Variants in PKNOX2 observed in about 807,000 individuals in gnomAD.
PKNOX2 encodes homeobox protein PKNOX2.
Under a neutral mutation model 53.1 loss-of-function variants are expected in PKNOX2, and 14 were observed. The ratio of observed to expected loss-of-function variants is 0.26; its 90% CI spans 0.17 to 0.41. PKNOX2 has a LOEUF of 0.41. PKNOX2 is among the 10% of genes least tolerant of loss of function. The probability of loss-of-function intolerance (pLI) is 1.00; values close to 1 mark genes in which losing one functional copy is unlikely to be tolerated. For synonymous variants in PKNOX2, 257 were observed against 242.8 expected (o/e 1.06, Z -0.54); for missense variants, 496 against 602.8 (o/e 0.82, Z 1.85).
rs1313614672 is a variant in PKNOX2 at position 125,370,691 on chromosome 11, C to T, written c.227+2706C>T. 6.6e-6 allele frequency among the ~76,000 whole-genome samples: 1 copy of T among 152,252 alleles called. No individual in the cohort carries two copies. Among genetic ancestry groups the T allele is most frequent in the African/African-American group, 2.4e-5 (1 of 41,462 alleles). The stretch of plus-strand genomic sequence containing the variant: ...AGGGTTGTCTCCTACAACCACATCT[C>T]ACCCATTAGTACCAGCCGCCCTCTC... On this transcript the variant is annotated intron_variant, in intron 5 of 12. Transcript: ENST00000298282. The surrounding 1 kb of genome is among the most constrained non-coding windows in gnomAD (Gnocchi z 4.1).
chr11:125,335,544 T>C (rs2136128864), intron 3 of PKNOX2, among the ~76,000 whole-genome samples: 1 of 152,368 alleles, frequency 6.6e-6, no homozygotes, highest in Admixed American at 6.5e-5. Context: ...TGTTCATCTC[T>C]TGTGCAGTTT....
At chr11:125,292,054 T>G (rs1947340488) in intron 2 of PKNOX2, among the ~76,000 whole-genome samples, 1 of 152,214 alleles carries the variant, frequency 6.6e-6, no homozygotes, top group Admixed American at 6.5e-5. Context: ...ATGGTTAAAA[T>G]GGCATATTTT....
In PKNOX2 at chr11:125,186,052, T is replaced by TC. The variant is rs917784749; in HGVS notation, c.-201+21276_-201+21277insC. 5.3e-5 allele frequency among the ~76,000 whole-genome samples: 8 copies of TC among 151,984 alleles called. No homozygotes were observed. In the South Asian group the frequency reaches 6.2e-4, roughly 12 times the overall value. On this transcript the variant is annotated intron_variant, in intron 1 of 12. Coordinates refer to ENST00000298282, the MANE Select transcript of PKNOX2 (RefSeq NM_001382323.2). ...TGACCAACATTTGTTATTCTCTGTT[T>TC]TTTTTTTAATTGTAGCCATTATAGT...
At chr11:125,429,638 G>A (rs976286845) in intron 11 of PKNOX2, among the ~76,000 whole-genome samples, 21 of 152,310 alleles carry the variant, frequency 1.4e-4, no homozygotes, top group African/African-American at 3.8e-4. Context: ...GCCCTGATCC[G>A]AGCCCTTGGC....
intron 10 of PKNOX2, among the ~76,000 whole-genome samples, chr11:125,424,502 A>G (rs534710424): frequency 6.6e-5 from 10 of 152,200 alleles, no homozygotes; most frequent in African/African-American, 2.2e-4. Flanking sequence ...GAACCACCCC[A>G]GAGTGGTGGC....
At chr11:125,262,319 GA>G (rs1944921724) in intron 2 of PKNOX2, among the ~76,000 whole-genome samples, 1 of 152,172 alleles carries the variant, frequency 6.6e-6, no homozygotes, top group Non-Finnish European at 1.5e-5. Context: ...CATGAGGAAT[GA>G]AAGGACGCTT....
chr11:125,178,250 G>A (rs111385586), intron 1 of PKNOX2, among the ~76,000 whole-genome samples: 18 of 151,568 alleles, frequency 1.2e-4, no homozygotes, highest in African/African-American at 4.4e-4. Context: ...GGTGGCTTAT[G>A]CCTCTAATCC....
chr11:125,208,923 C>T (rs1939485438), intron 1 of PKNOX2, among the ~76,000 whole-genome samples: 1 of 151,880 alleles, frequency 6.6e-6, no homozygotes, highest in Non-Finnish European at 1.5e-5. Context: ...ACTTGGCCAC[C>T]TCAATGGCAG....
rs148111901 is a variant in PKNOX2, at chr11:125,293,726, C to T, written c.-129-38093C>T. ...AGTTCCTTTTATTTGGAGTAGTTGA[C>T]ACTAACACACACACTCACACACACT... On this transcript the variant is annotated intron_variant, in intron 2 of 12. Coordinates refer to ENST00000298282, the MANE Select transcript of PKNOX2 (RefSeq NM_001382323.2). Among the ~76,000 whole-genome samples the T allele has an allele frequency of 2.4e-4, 37 of 151,924 alleles. No homozygotes were observed. The East Asian group carries it at 3.1e-3, about 13-fold the overall frequency.
intron 2 of PKNOX2, among the ~76,000 whole-genome samples, chr11:125,288,641 G>C (rs1947078563): frequency 6.6e-6 from 1 of 152,146 alleles, no homozygotes; most frequent in Admixed American, 6.6e-5. Flanking sequence ...CCCCTCCTTG[G>C]AACTGGCAGA....
chr11:125,367,153 GA>G (rs1952231938), intron 4 of PKNOX2, among the ~76,000 whole-genome samples: 1 of 152,222 alleles, frequency 6.6e-6, no homozygotes, highest in Non-Finnish European at 1.5e-5. Context: ...CAAAACCTTA[GA>G]TAGAAAATCT....
At chr11:125,324,430 T>C (rs1949715056) in intron 2 of PKNOX2, among the ~76,000 whole-genome samples, 1 of 152,220 alleles carries the variant, frequency 6.6e-6, no homozygotes, top group Non-Finnish European at 1.5e-5. Flanking sequence ...TTTACTCCTT[T>C]ATCCAGCAAA....
chr11:125,298,925 G>T (rs1351306242), intron 2 of PKNOX2, among the ~76,000 whole-genome samples: 1 of 152,200 alleles, frequency 6.6e-6, no homozygotes, highest in Non-Finnish European at 1.5e-5. Context: ...ATCAAGCCCT[G>T]TGTTAGGCTA....
chr11:125,431,488 C>A lies in PKNOX2; in HGVS notation c.*96C>A, dbSNP rs550804844. On this transcript the variant is annotated 3_prime_UTR_variant, in exon 13 of 13. Coordinates refer to ENST00000298282, the MANE Select transcript of PKNOX2 (RefSeq NM_001382323.2). ...GGAAGGGGACATGGGCAGGAAGCAC[C>A]GAGGGAGTTGGGCCCTAGCTTCCCC... 8.7e-7 allele frequency: 1 copy of A among 1,145,478 alleles called. No individual in the cohort carries two copies. The highest frequency in any genetic ancestry group is 2.2e-5 in the Admixed American group (1 of 45,636). 71.0% of individuals were successfully genotyped at this position (1,145,478 alleles called of 1,614,324 possible).
chr11:125,308,809 G>A (rs1371529749), intron 2 of PKNOX2, among the ~76,000 whole-genome samples: 3 of 152,158 alleles, frequency 2.0e-5, no homozygotes, highest in Non-Finnish European at 4.4e-5. Flanking sequence ...ACATAAAGGG[G>A]AAATTGGTCT....
intron 3 of PKNOX2, among the ~76,000 whole-genome samples, chr11:125,346,205 CCTGGGGGCGT>C (rs1950962238): frequency 1.3e-5 from 2 of 151,802 alleles, no homozygotes; most frequent in African/African-American, 4.8e-5. Flanking sequence ...GGAGGGGTAA[CCTGGGGGCGT>C]CTGGGCTGAA....
chr11:125,257,952 C>T (rs1461064195), intron 2 of PKNOX2, among the ~76,000 whole-genome samples: 1 of 152,128 alleles, frequency 6.6e-6, no homozygotes, highest in Non-Finnish European at 1.5e-5. Flanking sequence ...CCTGCCTTCC[C>T]AAGAAGGAAA....
intron 1 of PKNOX2, among the ~76,000 whole-genome samples, chr11:125,167,596 C>T (rs1954989993): frequency 6.6e-6 from 1 of 152,244 alleles, no homozygotes. Flanking sequence ...GGCCCGACCA[C>T]CGCTCACAGT....
At chr11:125,295,408 A>G (rs1211425923) in intron 2 of PKNOX2, among the ~76,000 whole-genome samples, 1 of 152,238 alleles carries the variant, frequency 6.6e-6, no homozygotes, top group African/African-American at 2.4e-5. Context: ...AAATCCATGT[A>G]TGTACACACG....
Sources: allele counts gnomAD v4.1 joint callset (sites outside exome capture counted in the v4.1 genomes callset), GRCh38; gene constraint gnomAD v4.1.1; non-coding constraint Gnocchi (gnomAD v3.1); transcripts MANE v1.5; gene names NCBI Gene and HGNC (gene_info 2026-07-23, HGNC 2026-07-21).